The following BRD10 variants were observed in gnomAD, a reference collection of about 807,000 sequenced individuals.
The protein encoded by BRD10 is bromodomain containing 10.
At chr9:5,921,195 T>C in the BRD10 span, 1 of 1,613,978 alleles carries the variant, frequency 6.2e-7, no homozygotes, top group African/African-American at 1.3e-5. Context: ...GGGGTTACAT[T>C]TTGTAATATG....
the BRD10 span, chr9:5,922,574 T>C: frequency 1.2e-6 from 2 of 1,614,014 alleles, no homozygotes; most frequent in Non-Finnish European, 1.7e-6. Flanking sequence ...ATTTGTTGTC[T>C]GTGGGAAAGA....
At chr9:5,924,709 T>C in the BRD10 span, 3,616 of 1,598,186 alleles carry the variant, frequency 2.3e-3, 144 homozygotes, top group Admixed American at 0.054. Context: ...GTTGAGTCTA[T>C]AGACTTACTG....
the BRD10 span, among the ~76,000 whole-genome samples, chr9:5,892,054 G>C: frequency 6.6e-6 from 1 of 152,174 alleles, no homozygotes; most frequent in African/African-American, 2.4e-5. Context: ...CTCTAATTTT[G>C]TTAGCCACAG....
the BRD10 span, among the ~76,000 whole-genome samples, chr9:5,924,478 C>T: frequency 2.0e-5 from 3 of 151,976 alleles, no homozygotes; most frequent in Non-Finnish European, 2.9e-5. Context: ...GATGGGGTCT[C>T]GCTATGTTGC....
At chr9:5,946,049 AG>A in the BRD10 span, among the ~76,000 whole-genome samples, 1 of 152,098 alleles carries the variant, frequency 6.6e-6, no homozygotes, top group Non-Finnish European at 1.5e-5. Context: ...AAACAATAAA[AG>A]CAAAAGTGGG....
chr9:5,960,208 C>A, the BRD10 span, among the ~76,000 whole-genome samples: 2 of 152,014 alleles, frequency 1.3e-5, no homozygotes, highest in Non-Finnish European at 2.9e-5. Context: ...AGAATAAGAC[C>A]ACTTGTCTTA....
At chr9:5,947,352 A>C in the BRD10 span, among the ~76,000 whole-genome samples, 6 of 152,140 alleles carry the variant, frequency 3.9e-5, no homozygotes, top group African/African-American at 1.4e-4. Context: ...AAGGTACTAA[A>C]TGACTATGAA....
chr9:5,895,243 T>C, the BRD10 span, among the ~76,000 whole-genome samples: 1 of 152,144 alleles, frequency 6.6e-6, no homozygotes, highest in African/African-American at 2.4e-5. Flanking sequence ...CTTGTGCAGG[T>C]ACTGAAGGAG....
the BRD10 span, among the ~76,000 whole-genome samples, chr9:5,894,369 A>T: frequency 1.8e-4 from 28 of 152,154 alleles, no homozygotes; most frequent in African/African-American, 6.8e-4. This position sits in a 1 kb window ranked among gnomAD's most constrained non-coding sequence, Gnocchi z 4.0. Context: ...GAGACTGAGG[A>T]GGCAAAGAAG....
the BRD10 span, among the ~76,000 whole-genome samples, chr9:6,001,209 T>A: frequency 2.0e-4 from 30 of 152,338 alleles, 2 homozygotes; most frequent in South Asian, 4.6e-3. Context: ...CTGTTTATTA[T>A]CTCTTGATGG....
At chr9:5,980,788 T>C in the BRD10 span, among the ~76,000 whole-genome samples, 4 of 152,160 alleles carry the variant, frequency 2.6e-5, no homozygotes, top group African/African-American at 9.7e-5. Context: ...AGATAAAGTA[T>C]TACCATATTA....
chr9:5,933,606 C>T, the BRD10 span: 1 of 337,094 alleles, frequency 3.0e-6, no homozygotes, highest in South Asian at 2.5e-5. Context: ...TTATATCATG[C>T]AGTTTTATAA....
At chr9:5,890,691 T>C in the BRD10 span, 1 of 152,150 alleles carries the variant, frequency 6.6e-6, no homozygotes, top group South Asian at 2.1e-4. Flanking sequence ...ATGGCTTCCC[T>C]AGGATAGAGC....
chr9:5,984,654 G>C, the BRD10 span, among the ~76,000 whole-genome samples: 2 of 151,804 alleles, frequency 1.3e-5, no homozygotes, highest in Non-Finnish European at 2.9e-5. Flanking sequence ...AAGACAAAAG[G>C]TTACTGTACT....
chr9:5,902,417 G>A, the BRD10 span, among the ~76,000 whole-genome samples: 3 of 151,632 alleles, frequency 2.0e-5, no homozygotes, highest in Non-Finnish European at 2.9e-5. Flanking sequence ...CCCAGAATCA[G>A]CATTTGGTTT....
chr9:5,934,147 T>C, the BRD10 span, among the ~76,000 whole-genome samples: 2 of 150,560 alleles, frequency 1.3e-5, no homozygotes, highest in Non-Finnish European at 2.9e-5. Flanking sequence ...GATGGTATTA[T>C]TGTGGAGATA....
At chr9:5,918,526 G>C in the BRD10 span, among the ~76,000 whole-genome samples, 1 of 152,094 alleles carries the variant, frequency 6.6e-6, no homozygotes, top group Non-Finnish European at 1.5e-5. Flanking sequence ...GACCAGCCTA[G>C]CAACATGGTG....
the BRD10 span, among the ~76,000 whole-genome samples, chr9:5,957,126 T>C: frequency 3.3e-5 from 5 of 152,154 alleles, no homozygotes; most frequent in East Asian, 5.8e-4. Context: ...TTAACATTTA[T>C]TGAGAACCTG....
the BRD10 span, among the ~76,000 whole-genome samples, chr9:5,947,560 T>C: frequency 6.6e-6 from 1 of 152,098 alleles, no homozygotes; most frequent in African/African-American, 2.4e-5. Context: ...TAACAATTTA[T>C]ACTTTATATA....
Sources: gnomAD v4.1 joint callset for allele counts (sites outside exome capture counted in the v4.1 genomes callset) on GRCh38, gnomAD v4.1.1 for gene constraint, Gnocchi (gnomAD v3.1) non-coding constraint, MANE v1.5 for transcripts, NCBI Gene and HGNC (gene_info 2026-07-23, HGNC 2026-07-21) for gene names.